JAM3: variants seen among roughly 807,000 people sequenced by gnomAD.
JAM3 encodes the protein junctional adhesion molecule C.
JAM3 carries 31 observed loss-of-function variants against 39.4 expected under a neutral mutation model. The ratio of observed to expected loss-of-function variants is 0.79; its 90% CI spans 0.59 to 1.06. The LOEUF is 1.06. Ranked by LOEUF, JAM3 falls within the 50% of genes least tolerant of loss-of-function variation. The pLI is 0.00. For synonymous variants in JAM3, 182 were observed against 148.7 expected, an observed-to-expected ratio of 1.22 and a Z score of -1.63; for missense variants, 455 against 391.4, an observed-to-expected ratio of 1.16 and a Z score of -1.37.
rs1330953604 is a variant in JAM3 at position 134,139,832 on chromosome 11, A to T, written c.77-19A>T. 1 of 1,604,970 alleles carries T rather than the reference A, an allele frequency of 6.2e-7. No individual in the cohort carries two copies. The highest frequency in any genetic ancestry group is 1.1e-5 in the South Asian group (1 of 90,878). On this transcript the variant is annotated intron_variant, in intron 1 of 8. Coordinates refer to ENST00000299106, the MANE Select transcript of JAM3 (RefSeq NM_032801.5). ...TTTGAGATACATTGTCTCTGATTTT[A>T]CTTTTCTTTCTCCTTCAGGCTGCCT...
At chr11:134,134,517 G>C (rs1422593716) in intron 1 of JAM3, among the ~76,000 whole-genome samples, 1 of 151,024 alleles carries the variant, frequency 6.6e-6, no homozygotes, top group Admixed American at 6.6e-5. Context: ...AAAGGAGGAA[G>C]AATAAGAATT....
At chr11:134,125,936 C>T (rs1283863507) in intron 1 of JAM3, among the ~76,000 whole-genome samples, 1 of 152,212 alleles carries the variant, frequency 6.6e-6, no homozygotes, top group Non-Finnish European at 1.5e-5. Context: ...AACTGATCTA[C>T]AGGAAGCAGC....
intron 1 of JAM3, among the ~76,000 whole-genome samples, chr11:134,138,879 A>T (rs560679662): frequency 6.6e-6 from 1 of 152,344 alleles, no homozygotes; most frequent in South Asian, 2.1e-4. Flanking sequence ...ATTAAAGAAG[A>T]TAAAGGAAAA....
chr11:134,078,821 C>G (rs1421993560), intron 1 of JAM3, among the ~76,000 whole-genome samples: 2 of 152,116 alleles, frequency 1.3e-5, no homozygotes, highest in African/African-American at 4.8e-5. Flanking sequence ...GGTGGATCAC[C>G]TGAGGTCGGG....
chr11:134,096,351 C>T (rs1941983106), intron 1 of JAM3, among the ~76,000 whole-genome samples: 1 of 152,188 alleles, frequency 6.6e-6, no homozygotes. Flanking sequence ...TTTGGATTCT[C>T]TGATCATCTT....
rs1941812389 is a variant in JAM3, at chr11:134,089,829, T to C, written c.76+20670T>C. ...AATCCTTTGGGTATATACCCAGTAA[T>C]GGGATGGCTGGGTCAAATGGTATTT... is the stretch of plus-strand genomic sequence containing the variant. On this transcript the variant is annotated intron_variant, in intron 1 of 8. Transcript: ENST00000299106. 9.2e-5 allele frequency among the ~76,000 whole-genome samples: 14 copies of C among 152,318 alleles called. No individual in the cohort carries two copies. The South Asian group carries it at 2.9e-3, about 32-fold the overall frequency.
At chr11:134,115,783 G>C (rs1462670896) in intron 1 of JAM3, among the ~76,000 whole-genome samples, 3 of 152,072 alleles carry the variant, frequency 2.0e-5, no homozygotes, top group East Asian at 1.9e-4. Context: ...TGTAGTCCCA[G>C]CTACTCAGAA....
At position 134,148,637 on chromosome 11, in the gene JAM3, G is replaced by A; in HGVS notation, c.803G>A (p.Arg268Lys). ...LITLGICCAY[R>K]RGYFINNKQD... Reference sequence around the variant, plus strand: ...ACGTTGGGCATCTGCTGTGCATACAGACGTGGCTACTTCATCAACAATAAA... The same window carrying A: ...ACGTTGGGCATCTGCTGTGCATACAAACGTGGCTACTTCATCAACAATAAA... The change falls in exon 7 of 9, where the codon AGA becomes AAA. Residue 268 changes from arginine to lysine, a missense_variant. Physicochemically the swap from Arg to Lys is conservative, Grantham distance 26. Transcript: ENST00000299106. 6.2e-7 allele frequency: 1 copy of A among 1,614,152 alleles called. No individual in the cohort carries two copies. The highest frequency in any genetic ancestry group is 8.5e-7 in the Non-Finnish European group (1 of 1,180,030).
chr11:134,102,053 G>T (rs559659419), intron 1 of JAM3, among the ~76,000 whole-genome samples: 1 of 152,142 alleles, frequency 6.6e-6, no homozygotes, highest in African/African-American at 2.4e-5. Flanking sequence ...GACCCTGTCT[G>T]TAAAAATTAT....
intron 1 of JAM3, among the ~76,000 whole-genome samples, chr11:134,127,814 TAAGA>T (rs1428250355): frequency 3.9e-5 from 6 of 152,194 alleles, no homozygotes; most frequent in Non-Finnish European, 8.8e-5. Context: ...AGAATCACAT[TAAGA>T]AAGGCATAGA....
intron 1 of JAM3, among the ~76,000 whole-genome samples, chr11:134,082,855 G>A (rs470956): frequency 0.39 from 59,575 of 151,982 alleles, 12,679 homozygotes; most frequent in African/African-American, 0.57. Flanking sequence ...TTTAGGGCCA[G>A]GATCCCTATA....
intron 2 of JAM3, 134 bp downstream of exon 2, chr11:134,140,050 C>G: frequency 1.3e-6 from 1 of 748,252 alleles, no homozygotes; most frequent in South Asian, 1.5e-5. Context: ...CTGCGGTGCA[C>G]AGGCCTGGAA....
At chr11:134,142,417 G>C (rs1455257906) in intron 3 of JAM3, among the ~76,000 whole-genome samples, 1 of 152,174 alleles carries the variant, frequency 6.6e-6, no homozygotes, top group Non-Finnish European at 1.5e-5. Context: ...GCCAACGTCT[G>C]TGCTCCATCG....
intron 1 of JAM3, among the ~76,000 whole-genome samples, chr11:134,096,370 GT>G (rs1348412904): frequency 6.6e-6 from 1 of 152,214 alleles, no homozygotes; most frequent in Non-Finnish European, 1.5e-5. Flanking sequence ...TTCTTGGTCT[GT>G]TCACTTCCAT....
intron 1 of JAM3, among the ~76,000 whole-genome samples, chr11:134,093,104 C>G (rs1316996230): frequency 7.6e-6 from 1 of 130,934 alleles, no homozygotes; most frequent in Non-Finnish European, 1.6e-5. Flanking sequence ...CATGTCACTT[C>G]CTGAGGGAAG....
chr11:134,095,858 T>G (rs960828541), intron 1 of JAM3, among the ~76,000 whole-genome samples: 25 of 152,338 alleles, frequency 1.6e-4, no homozygotes, highest in African/African-American at 5.3e-4. Context: ...CATCTAAGAT[T>G]CAGACAGGTT....
At position 134,148,137 on chromosome 11, in the gene JAM3, C is replaced by T. The variant is rs199734770; in HGVS notation, c.713-410C>T. 27 of 246,794 alleles carry T rather than the reference C, an allele frequency of 1.1e-4. No homozygotes were observed. The East Asian group carries it at 2.4e-3, about 22-fold the overall frequency. The allele number at this position is 246,794 out of a possible 1,614,324, so 15.3% of individuals were successfully genotyped here. ...AAGGCTTGAAGCTACCTTTCTTCCCCGCAGCAATCTGCAACAAAGGGAGGC... is the reference window on the plus strand; with the variant it reads ...AAGGCTTGAAGCTACCTTTCTTCCCTGCAGCAATCTGCAACAAAGGGAGGC... On this transcript the variant is annotated intron_variant, in intron 6 of 8. Coordinates refer to ENST00000299106, the MANE Select transcript of JAM3 (RefSeq NM_032801.5).
Position 134,148,621 on chromosome 11 carries a change from A to G in JAM3, c.787A>G (p.Ile263Val), listed in dbSNP as rs1289913579. 1 of 1,614,184 alleles carries G rather than the reference A, an allele frequency of 6.2e-7. No homozygotes were observed. The highest frequency in any genetic ancestry group is 1.7e-5 in the Admixed American group (1 of 60,028). The change falls in exon 7 of 9, where the codon ATC (isoleucine) becomes GTC (valine). Residue 263 changes from isoleucine to valine, a missense_variant. Transcript: ENST00000299106. Reference sequence around the variant, plus strand: ...TGTACTGGCCCTGATCACGTTGGGCATCTGCTGTGCATACAGACGTGGCTA... The same window carrying G: ...TGTACTGGCCCTGATCACGTTGGGCGTCTGCTGTGCATACAGACGTGGCTA... ...LAVLALITLG[I>V]CCAYRRGYFI...
At chr11:134,113,241 G>A (rs1029273167) in intron 1 of JAM3, among the ~76,000 whole-genome samples, 1 of 150,412 alleles carries the variant, frequency 6.6e-6, no homozygotes, top group Non-Finnish European at 1.5e-5. Flanking sequence ...TGTGCACAAC[G>A]TGCAGGTTTG....
Sources: allele counts gnomAD v4.1 joint callset (sites outside exome capture counted in the v4.1 genomes callset), GRCh38; gene constraint gnomAD v4.1.1; transcripts MANE v1.5; gene names NCBI Gene and HGNC (gene_info 2026-07-23, HGNC 2026-07-21).